Variants in EFHC1 observed in about 807,000 individuals in gnomAD.
EFHC1 encodes the protein EF-hand domain-containing protein 1.
In EFHC1, 53 loss-of-function variants were observed where a neutral mutation model predicts 69.9. The observed-to-expected ratio is 0.76, with a 90% confidence interval of 0.61 to 0.95. The LOEUF (loss-of-function observed/expected upper bound fraction) is 0.95, where lower values mean the gene tolerates loss of function less well. Among genes scored for constraint, EFHC1 ranks in the 40% least tolerant of loss-of-function variants. EFHC1 has a pLI of 0.00. For synonymous variants in EFHC1, 256 were observed against 278.4 expected (o/e 0.92, Z 0.80); for missense variants, 739 against 798.7 (o/e 0.93, Z 0.90).
chr6:52,436,773 G>A (rs1232537169), intron 2 of EFHC1, among the ~76,000 whole-genome samples: 1 of 151,960 alleles, frequency 6.6e-6, no homozygotes, highest in African/African-American at 2.4e-5. Context: ...TCCCAAGTAG[G>A]TGGAATTACA....
chr6:52,490,010 A>G (rs1009422293), intron 9 of EFHC1, 130 bp from the exon 10 acceptor site: 6 of 846,318 alleles, frequency 7.1e-6, no homozygotes, highest in Non-Finnish European at 1.2e-5. Context: ...GTGTTCAGTT[A>G]TTGGTCAGCT....
intron 9 of EFHC1, chr6:52,482,861 G>A: frequency 2.5e-6 from 1 of 398,522 alleles, no homozygotes; most frequent in South Asian, 1.3e-4. Flanking sequence ...CCTACAGTCA[G>A]CTTTCTCTTC....
intron 2 of EFHC1, among the ~76,000 whole-genome samples, chr6:52,435,968 C>A (rs1764523204): frequency 1.3e-5 from 2 of 152,188 alleles, no homozygotes; most frequent in South Asian, 2.1e-4. Context: ...AGTTCCAGTT[C>A]TGGCCCTAAC....
rs759109332 is a variant in EFHC1, at chr6:52,490,346, A to C, written c.1847A>C (p.Lys616Thr). The change falls in exon 10 of 11, where the codon AAG becomes ACG. Residue 616 changes from lysine (K) to threonine (T), a missense_variant. Physicochemically the swap from Lys to Thr is moderately conservative, Grantham distance 78 (BLOSUM62 -1). Transcript: ENST00000371068. ...LNVPVDDSLV[K>T]ELIRMCSHGE... Reference sequence around the variant, plus strand: ...GTCCCAGTGGATGACTCCTTGGTTAAGGAGGTCAGTATGAATTACTCTTCT... The same window carrying C: ...GTCCCAGTGGATGACTCCTTGGTTACGGAGGTCAGTATGAATTACTCTTCT... 5.0e-6 allele frequency: 8 copies of C among 1,613,512 alleles called. No homozygotes were observed. Among genetic ancestry groups the C allele is most frequent in the Non-Finnish European group, 6.8e-6 (8 of 1,179,576 alleles).
At chr6:52,468,960 G>GA in intron 6 of EFHC1, 2 of 297,036 alleles carry the variant, frequency 6.7e-6, no homozygotes, top group South Asian at 7.0e-5. Flanking sequence ...TAAAGTGCCT[G>GA]AAAATAATAT....
chr6:52,496,465 T>C lies in EFHC1; in HGVS notation c.*4124T>C, dbSNP rs541622738. 2 of 152,162 alleles carry C rather than the reference T, an allele frequency of 1.3e-5. No individual in the cohort carries two copies. The highest frequency in any genetic ancestry group is 2.9e-5 in the Non-Finnish European group (2 of 68,042). 9.4% of individuals were successfully genotyped at this position (152,162 alleles called of 1,614,324 possible). Reference sequence around the variant, plus strand: ...TTAAGGTGTATCAAATCCATATCTATAGGCTTTGAGGGTATTTGGGACACA... The same window carrying C: ...TTAAGGTGTATCAAATCCATATCTACAGGCTTTGAGGGTATTTGGGACACA... On this transcript the variant is annotated 3_prime_UTR_variant, in exon 11 of 11. Transcript: ENST00000371068.
intron 3 of EFHC1, among the ~76,000 whole-genome samples, chr6:52,446,371 T>C (rs1474980677): frequency 6.6e-6 from 1 of 152,230 alleles, no homozygotes; most frequent in African/African-American, 2.4e-5. Flanking sequence ...TATCAGAGAC[T>C]AGGATTGCAA....
chr6:52,420,439 C>G lies in EFHC1; in HGVS notation c.29C>G (p.Pro10Arg). 6.2e-7 allele frequency: 1 copy of G among 1,614,214 alleles called. No individual in the cohort carries two copies. The highest frequency in any genetic ancestry group is 8.5e-7 in the Non-Finnish European group (1 of 1,180,038). The part of the protein sequence containing the change: MVSNPVHGL[P>R]FLPGTSFKDS... The stretch of plus-strand genomic sequence containing the variant: ...GTGTCCAATCCCGTGCATGGCTTGC[C>G]CTTTCTTCCGGGCACGTCCTTTAAG... The change falls in exon 1 of 11, where the codon CCC (proline) becomes CGC (arginine). Residue 10 changes from proline to arginine, a missense_variant. Transcript: ENST00000371068.
At chr6:52,426,962 G>A (rs1764314865) in intron 2 of EFHC1, among the ~76,000 whole-genome samples, 1 of 152,114 alleles carries the variant, frequency 6.6e-6, no homozygotes, top group African/African-American at 2.4e-5. Flanking sequence ...CTGGGAAAAT[G>A]CCATCAGGCT....
chr6:52,455,256 TG>T (rs2113997402), intron 5 of EFHC1, among the ~76,000 whole-genome samples: 1 of 152,354 alleles, frequency 6.6e-6, no homozygotes, highest in East Asian at 1.9e-4. Context: ...TCACATGTAA[TG>T]ACTGATAGCT....
At chr6:52,450,233 C>T (rs1294841895) in intron 3 of EFHC1, among the ~76,000 whole-genome samples, 4 of 151,868 alleles carry the variant, frequency 2.6e-5, no homozygotes, top group African/African-American at 9.7e-5. Flanking sequence ...ATTATGTGGT[C>T]GATTTTAGAA....
chr6:52,478,361 C>G (rs1323044931), intron 7 of EFHC1, among the ~76,000 whole-genome samples: 5 of 152,018 alleles, frequency 3.3e-5, no homozygotes, highest in African/African-American at 9.7e-5. Flanking sequence ...ACCAGCATGG[C>G]ACATGTATAC....
intron 7 of EFHC1, 45 bp from the exon 8 acceptor site, chr6:52,478,992 T>C (rs562349852): frequency 3.1e-6 from 5 of 1,589,812 alleles, no homozygotes; most frequent in South Asian, 1.1e-5. Flanking sequence ...CACATCTGCA[T>C]AGACCATGAA....
chr6:52,480,027 C>G (rs1765641078), intron 9 of EFHC1: 2 of 652,730 alleles, frequency 3.1e-6, no homozygotes, highest in African/African-American at 3.6e-5. Flanking sequence ...GGGTACCAGC[C>G]TCCCTCCACA....
chr6:52,424,176 T>C lies in EFHC1; in HGVS notation c.285+9T>C. 6.2e-7 allele frequency: 1 copy of C among 1,613,108 alleles called. No individual in the cohort carries two copies. The highest frequency in any genetic ancestry group is 8.5e-7 in the Non-Finnish European group (1 of 1,179,488). On this transcript the variant is annotated intron_variant, in intron 2 of 10. Coordinates refer to ENST00000371068, the MANE Select transcript of EFHC1 (RefSeq NM_018100.4). ...TGGCCTTTGACAAAAAGGTATCATC[T>C]GGAATTTTAGGGTACCCCTTGAATT...
intron 3 of EFHC1, among the ~76,000 whole-genome samples, chr6:52,442,833 A>G (rs1269384864): frequency 6.6e-6 from 1 of 152,164 alleles, no homozygotes; most frequent in East Asian, 1.9e-4. Flanking sequence ...GCTGGGTCAT[A>G]TGGTATTTCT....
chr6:52,449,755 A>G (rs1764874752), intron 3 of EFHC1, among the ~76,000 whole-genome samples: 1 of 152,146 alleles, frequency 6.6e-6, no homozygotes, highest in Non-Finnish European at 1.5e-5. Context: ...TTTAATAAAA[A>G]CCAACTCCTG....
At chr6:52,472,785 T>C (rs1337101439) in intron 7 of EFHC1, among the ~76,000 whole-genome samples, 2 of 151,960 alleles carry the variant, frequency 1.3e-5, no homozygotes, top group Non-Finnish European at 2.9e-5. Context: ...ACATATCTTT[T>C]AGGTGTTACA....
chr6:52,459,999 A>G (rs965326872), intron 5 of EFHC1, among the ~76,000 whole-genome samples: 5 of 152,142 alleles, frequency 3.3e-5, no homozygotes, highest in African/African-American at 1.2e-4. Context: ...TTAAAATTGC[A>G]CATATATCTA....
Sources: allele counts gnomAD v4.1 joint callset (sites outside exome capture counted in the v4.1 genomes callset), GRCh38; gene constraint gnomAD v4.1.1; transcripts MANE v1.5; gene names NCBI Gene and HGNC (gene_info 2026-07-23, HGNC 2026-07-21).